The following RNF115 variants were observed in gnomAD, a reference collection of about 807,000 sequenced individuals.
RNF115 encodes ring finger protein 115, also known as E3 ubiquitin-protein ligase RNF115.
RNF115 carries 31 observed loss-of-function variants against 39.2 expected under a neutral mutation model. The observed-to-expected ratio is 0.79, with a 90% confidence interval of 0.59 to 1.07. The LOEUF is 1.07. RNF115 is among the 50% of genes least tolerant of loss of function. The probability of loss-of-function intolerance (pLI) is 0.00; values close to 1 mark genes in which losing one functional copy is unlikely to be tolerated. For synonymous variants in RNF115, 124 were observed against 131.0 expected (o/e 0.95, Z 0.37); for missense variants, 384 against 381.7 (o/e 1.01, Z -0.05).
In RNF115 at chr1:145,745,398, A is replaced by T. The variant is rs1553711559; in HGVS notation, c.*1468T>A. 6.6e-6 allele frequency: 1 copy of T among 152,048 alleles called. No individual in the cohort carries two copies. The highest frequency in any genetic ancestry group is 1.9e-4 in the East Asian group (1 of 5,158). The allele number at this position is 152,048 out of a possible 1,614,324, so 9.4% of individuals were successfully genotyped here. A position where few individuals can be genotyped will look rare whatever the true frequency, so the allele number is the denominator to read the frequency against. ...GAGGTCGAGGCTGTGGTGAGCTGAGATCGTGCCACTGCACTCCAGCCTAGG... is the reference window on the plus strand; with the variant it reads ...GAGGTCGAGGCTGTGGTGAGCTGAGTTCGTGCCACTGCACTCCAGCCTAGG... On this transcript the variant is annotated 3_prime_UTR_variant, in exon 9 of 9. Transcript: ENST00000582693.
At chr1:145,761,260 A>C (rs1658491345) in intron 4 of RNF115, among the ~76,000 whole-genome samples, 1 of 152,234 alleles carries the variant, frequency 6.6e-6, no homozygotes, top group African/African-American at 2.4e-5. Flanking sequence ...AAATTTGCAT[A>C]AGTAGCAAGG....
intron 1 of RNF115, among the ~76,000 whole-genome samples, chr1:145,811,791 G>A (rs1156249572): frequency 4.6e-5 from 4 of 86,098 alleles, no homozygotes; most frequent in Non-Finnish European, 9.7e-5. Flanking sequence ...GCTGAGGCAC[G>A]AGCATCGCTT....
At position 145,743,458 on chromosome 1, in the gene RNF115, C is replaced by T. The variant is rs1553711210; in HGVS notation, c.*3408G>A. 6.6e-6 allele frequency: 1 copy of T among 152,198 alleles called. No individual in the cohort carries two copies. Among genetic ancestry groups the T allele is most frequent in the Admixed American group, 6.6e-5 (1 of 15,266 alleles). The allele number at this position is 152,198 out of a possible 1,614,324, so 9.4% of individuals were successfully genotyped here. On this transcript the variant is annotated 3_prime_UTR_variant, in exon 9 of 9. Coordinates refer to ENST00000582693, the MANE Select transcript of RNF115 (RefSeq NM_014455.4). Reference sequence around the variant, plus strand: ...ACTGCAGATCTTGGGATTTCTCAAACTCCATTATTGTGTGAACCAATTCCT... The same window carrying T: ...ACTGCAGATCTTGGGATTTCTCAAATTCCATTATTGTGTGAACCAATTCCT...
At chr1:145,762,295 G>A (rs1053135291) in intron 4 of RNF115, among the ~76,000 whole-genome samples, 20 of 152,268 alleles carry the variant, frequency 1.3e-4, no homozygotes, top group South Asian at 2.1e-4. Flanking sequence ...GGGGCCAGGG[G>A]CAGAATGACA....
intron 4 of RNF115, among the ~76,000 whole-genome samples, chr1:145,757,438 C>T (rs1458971290): frequency 2.6e-5 from 4 of 152,172 alleles, no homozygotes; most frequent in African/African-American, 9.6e-5. Context: ...ACAGGATACT[C>T]GAAGTTTTAA....
intron 1 of RNF115, among the ~76,000 whole-genome samples, chr1:145,816,731 T>TTC (rs1478491282): frequency 2.0e-5 from 3 of 147,648 alleles, no homozygotes; most frequent in South Asian, 2.3e-4. Flanking sequence ...CTTTCTTTCT[T>TTC]TTTCTTTTTC....
intron 5 of RNF115, among the ~76,000 whole-genome samples, chr1:145,752,585 CTTTT>C (rs60257682): frequency 7.0e-4 from 59 of 83,752 alleles, no homozygotes; most frequent in African/African-American, 2.9e-3. Context: ...CTATGCAGCT[CTTTT>C]TTTTTTTTTT....
intron 2 of RNF115, among the ~76,000 whole-genome samples, chr1:145,786,515 C>A (rs1648387011): frequency 6.6e-6 from 1 of 152,142 alleles, no homozygotes; most frequent in East Asian, 1.9e-4. Flanking sequence ...TATAAGACAA[C>A]CTTTGATCTA....
intron 3 of RNF115, chr1:145,772,213 A>G: frequency 4.4e-6 from 1 of 229,786 alleles, no homozygotes; most frequent in Non-Finnish European, 8.4e-6. Context: ...TTGATGTCAC[A>G]GGACTTTTTT....
intron 1 of RNF115, among the ~76,000 whole-genome samples, chr1:145,794,502 C>CTTTTTTTTTT (rs57242475): frequency 4.9e-5 from 4 of 81,096 alleles, no homozygotes; most frequent in Non-Finnish European, 6.7e-5. Context: ...TAATCTCTTT[C>CTTTTTTTTTT]TTTTTTTTTT....
chr1:145,800,381 A>G (rs782027795), intron 1 of RNF115, among the ~76,000 whole-genome samples: 3 of 152,338 alleles, frequency 2.0e-5, no homozygotes, highest in South Asian at 2.1e-4. Flanking sequence ...GACAGCCCCA[A>G]TAAGACCTCT....
rs377068978 is a variant in RNF115 at position 145,751,451 on chromosome 1, G to A, written c.560C>T (p.Ala187Val). The change falls in exon 6 of 9, where the codon GCC becomes GTC. Residue 187 changes from alanine (A) to valine (V), a missense_variant. Ala to Val is a moderately conservative substitution (Grantham distance 64). Transcript: ENST00000582693. ...GCAGCTCCTCACCTGGGTTACAATG[G>A]CATCAAGCCCTGTCTGACCCCAGGC... ...DYAWGQTGLD[A>V]IVTQLLGQLE... The A allele has an allele frequency of 1.3e-6, 2 of 1,586,332 alleles. No homozygotes were observed. Among genetic ancestry groups the A allele is most frequent in the Non-Finnish European group, 1.7e-6 (2 of 1,165,622 alleles).
At chr1:145,796,858 T>C (rs1452398840) in intron 1 of RNF115, among the ~76,000 whole-genome samples, 4 of 152,208 alleles carry the variant, frequency 2.6e-5, no homozygotes, top group Non-Finnish European at 4.4e-5. Context: ...CCTCTGTTTC[T>C]ATGAATTTAT....
At chr1:145,801,079 G>A (rs1571771846) in intron 1 of RNF115, among the ~76,000 whole-genome samples, 1 of 152,114 alleles carries the variant, frequency 6.6e-6, no homozygotes, top group East Asian at 1.9e-4. Flanking sequence ...GCTGAGGCAG[G>A]AGAATGGCAT....
intron 1 of RNF115, among the ~76,000 whole-genome samples, chr1:145,795,829 C>T (rs60055442): frequency 0.011 from 1,633 of 152,274 alleles, 34 homozygotes; most frequent in African/African-American, 0.037. Flanking sequence ...CAAAACTCTT[C>T]CCAAATGCTC....
At chr1:145,801,792 T>C (rs1359611196) in intron 1 of RNF115, among the ~76,000 whole-genome samples, 1 of 150,856 alleles carries the variant, frequency 6.6e-6, no homozygotes, top group Non-Finnish European at 1.5e-5. Context: ...CATTTCTCTC[T>C]TTTTTTTTAA....
chr1:145,795,449 C>T (rs367974757), intron 1 of RNF115, among the ~76,000 whole-genome samples: 13 of 152,104 alleles, frequency 8.5e-5, no homozygotes, highest in East Asian at 7.7e-4. Context: ...TTTTACAGAG[C>T]GCTGATTGGT....
At chr1:145,753,096 T>C in intron 4 of RNF115, 47 bp from the exon 5 acceptor site, 1 of 1,273,534 alleles carries the variant, frequency 7.9e-7, no homozygotes, top group Admixed American at 1.8e-5. Context: ...TAATGAAAAG[T>C]ACTCTACAGA....
intron 1 of RNF115, among the ~76,000 whole-genome samples, chr1:145,817,010 C>G (rs868959523): frequency 5.5e-5 from 4 of 72,624 alleles, no homozygotes; most frequent in Middle Eastern, 8.9e-3. Context: ...CAAAGGGAGA[C>G]AGAGGTCTAA....
Sources: gnomAD v4.1 joint callset for allele counts (sites outside exome capture counted in the v4.1 genomes callset) on GRCh38, gnomAD v4.1.1 for gene constraint, MANE v1.5 for transcripts, NCBI Gene and HGNC (gene_info 2026-07-23, HGNC 2026-07-21) for gene names.